The following CBLN2 variants were observed in gnomAD, a reference collection of about 807,000 sequenced individuals.
CBLN2 encodes cerebellin-2.
Under a neutral mutation model 15.0 loss-of-function variants are expected in CBLN2, and 7 were observed. That is an observed-to-expected ratio of 0.47 (90% CI 0.27 to 0.88). The LOEUF is 0.88. CBLN2 is among the 40% of genes least tolerant of loss of function. CBLN2 has a pLI of 0.14. For missense variants in CBLN2, 242 were observed against 304.5 expected (o/e 0.79, Z 1.53); for synonymous variants, 149 against 135.2 (o/e 1.10, Z -0.71).
At chr18:72,637,551 T>C (rs1166608193) in intron 1 of CBLN2, among the ~76,000 whole-genome samples, 1 of 152,200 alleles carries the variant, frequency 6.6e-6, no homozygotes, top group Non-Finnish European at 1.5e-5. Flanking sequence ...ACAGCTACCG[T>C]GACAGGAAGA....
chr18:72,598,330 A>G (rs949768019), intron 1 of CBLN2, among the ~76,000 whole-genome samples: 1 of 152,180 alleles, frequency 6.6e-6, no homozygotes, highest in Non-Finnish European at 1.5e-5. Flanking sequence ...GGTTGTGTCT[A>G]GAAATATCAT....
intron 1 of CBLN2, among the ~76,000 whole-genome samples, chr18:72,583,060 T>C (rs1222279840): frequency 1.3e-5 from 2 of 151,828 alleles, no homozygotes; most frequent in African/African-American, 2.4e-5. Flanking sequence ...AGAACTGAAG[T>C]GAAGGATGGA....
At chr18:72,576,436 T>C (rs2069367055) in intron 1 of CBLN2, among the ~76,000 whole-genome samples, 1 of 152,182 alleles carries the variant, frequency 6.6e-6, no homozygotes, top group African/African-American at 2.4e-5. Context: ...GCCGGTTATA[T>C]CATAATGAAA....
intron 1 of CBLN2, among the ~76,000 whole-genome samples, chr18:72,600,817 T>C (rs1455385119): frequency 2.6e-5 from 4 of 152,048 alleles, no homozygotes; most frequent in Non-Finnish European, 5.9e-5. Flanking sequence ...GGAACATTGA[T>C]TGGTTGGGAA....
At chr18:72,582,538 T>C (rs912158972) in intron 1 of CBLN2, among the ~76,000 whole-genome samples, 1 of 152,168 alleles carries the variant, frequency 6.6e-6, no homozygotes, top group African/African-American at 2.4e-5. Context: ...AGGAGCTTTT[T>C]CCTGGGGTCT....
At chr18:72,572,387 C>A (rs1238063157) in intron 1 of CBLN2, among the ~76,000 whole-genome samples, 2 of 152,016 alleles carry the variant, frequency 1.3e-5, no homozygotes, top group South Asian at 2.1e-4. Flanking sequence ...CAACAGATGA[C>A]TAGTGGAATC....
chr18:72,576,878 C>A (rs1343990088), intron 1 of CBLN2, among the ~76,000 whole-genome samples: 2 of 148,120 alleles, frequency 1.4e-5, no homozygotes, highest in Admixed American at 6.8e-5. Flanking sequence ...ATATTAATGA[C>A]AAATATATAT....
chr18:72,598,419 G>A (rs116490839), intron 1 of CBLN2, among the ~76,000 whole-genome samples: 1,851 of 152,278 alleles, frequency 0.012, 33 homozygotes, highest in African/African-American at 0.042. Context: ...TGGTATCCAC[G>A]TTGCAAGACA....
rs184922659 is a variant in CBLN2, at chr18:72,603,086, A to G, written c.15+35239T>C. Reference sequence around the variant, plus strand: ...CACTGAGAGGATTAAATGGTATGTTACATGTATATGCCATGCCGCAAGGCA... The same window carrying G: ...CACTGAGAGGATTAAATGGTATGTTGCATGTATATGCCATGCCGCAAGGCA... On this transcript the variant is annotated intron_variant, in intron 1 of 2. Coordinates refer to the CBLN2 transcript ENST00000581073. Among the ~76,000 whole-genome samples, 8 of 152,374 alleles carry G rather than the reference A, an allele frequency of 5.3e-5. No homozygotes were observed. The South Asian group carries it at 1.2e-3, about 24-fold the overall frequency.
chr18:72,588,603 G>T (rs1462660613), intron 1 of CBLN2, among the ~76,000 whole-genome samples: 2 of 152,176 alleles, frequency 1.3e-5, no homozygotes, highest in African/African-American at 4.8e-5. Flanking sequence ...GACACACTTC[G>T]ACAGGACGAT....
At chr18:72,618,416 C>T (rs1474419514) in intron 1 of CBLN2, 3 of 605,956 alleles carry the variant, frequency 5.0e-6, no homozygotes, top group East Asian at 6.6e-5. Flanking sequence ...GAGATCCAAA[C>T]ACCAAGAGCT....
chr18:72,547,547 TA>T (rs1015057382), upstream of CBLN2, among the ~76,000 whole-genome samples: 1 of 152,160 alleles, frequency 6.6e-6, no homozygotes, highest in Non-Finnish European at 1.5e-5. Context: ...AATTTTTATT[TA>T]TTTTTTTCTT....
Position 72,565,149 on chromosome 18 carries a change from C to A in CBLN2, c.16-26377G>T, listed in dbSNP as rs12606517. Among the ~76,000 whole-genome samples the A allele has an allele frequency of 0.046, 7,032 of 152,122 alleles. 808 individuals are homozygous for A. The East Asian group carries it at 0.51, about 11-fold the overall frequency. The stretch of plus-strand genomic sequence containing the variant: ...AAAAGTGTTTAAGGAAGTACTTTAA[C>A]TGAAAGAGAAAGGATGGTAGTTACT... On this transcript the variant is annotated intron_variant, in intron 1 of 2. Transcript: ENST00000581073.
At chr18:72,589,992 G>T (rs1275741203) in intron 1 of CBLN2, among the ~76,000 whole-genome samples, 3 of 151,822 alleles carry the variant, frequency 2.0e-5, no homozygotes, top group Non-Finnish European at 4.4e-5. Flanking sequence ...AATTAGTCAG[G>T]CACGGTGGCT....
At chr18:72,631,433 TA>T (rs10715292) in intron 1 of CBLN2, among the ~76,000 whole-genome samples, 64,827 of 147,944 alleles carry the variant, frequency 0.44, 14,945 homozygotes, top group East Asian at 0.63. Flanking sequence ...TAGTGTGTAT[TA>T]AAAAAAAAAA....
intron 1 of CBLN2, among the ~76,000 whole-genome samples, chr18:72,616,853 T>C (rs2069666039): frequency 6.6e-6 from 1 of 152,232 alleles, no homozygotes; most frequent in African/African-American, 2.4e-5. Context: ...GCTGAATTTC[T>C]GTGTGTGTCT....
At chr18:72,604,690 A>AGGACT (rs1468985338) in intron 1 of CBLN2, among the ~76,000 whole-genome samples, 1 of 152,202 alleles carries the variant, frequency 6.6e-6, no homozygotes, top group Admixed American at 6.5e-5. Context: ...CCAAAGGAGT[A>AGGACT]GGACTGGTGG....
At chr18:72,628,004 A>T (rs1401721445) in intron 1 of CBLN2, among the ~76,000 whole-genome samples, 3 of 152,122 alleles carry the variant, frequency 2.0e-5, no homozygotes, top group Non-Finnish European at 2.9e-5. Flanking sequence ...CTTATGTCTT[A>T]TGTATTATCT....
At chr18:72,630,800 G>A (rs907615489) in intron 1 of CBLN2, among the ~76,000 whole-genome samples, 1 of 151,984 alleles carries the variant, frequency 6.6e-6, no homozygotes, top group Non-Finnish European at 1.5e-5. Flanking sequence ...ACTGAAGGAC[G>A]CCAACATTCT....
Sources: allele counts gnomAD v4.1 joint callset (sites outside exome capture counted in the v4.1 genomes callset), GRCh38; gene constraint gnomAD v4.1.1; transcripts MANE v1.5; gene names NCBI Gene and HGNC (gene_info 2026-07-23, HGNC 2026-07-21).